CLHC1: variants seen among roughly 807,000 people sequenced by gnomAD.
CLHC1 encodes the protein clathrin heavy chain linker domain containing 1, also known as clathrin heavy chain linker domain-containing protein 1.
A neutral mutation model predicts 69.5 loss-of-function variants in CLHC1; 72 were observed. The observed-to-expected ratio is 1.04, with a 90% confidence interval of 0.86 to 1.26. The LOEUF (loss-of-function observed/expected upper bound fraction) is 1.26. Among genes scored for constraint, CLHC1 ranks in the 50% most tolerant of loss-of-function variants. The probability of loss-of-function intolerance (pLI) is 0.00; values close to 1 mark genes in which losing one functional copy is unlikely to be tolerated. For synonymous variants in CLHC1, 223 were observed against 224.3 expected, an observed-to-expected ratio of 0.99 and a Z score of 0.05; for missense variants, 790 against 679.3, an observed-to-expected ratio of 1.16 and a Z score of -1.81.
intron 11 of CLHC1, 66 bp from the exon 12 acceptor site, chr2:55,177,847 C>A: frequency 8.4e-7 from 1 of 1,193,732 alleles, no homozygotes; most frequent in Non-Finnish European, 1.2e-6. Context: ...GAAACTAGGA[C>A]TAGCTAATGT....
chr2:55,186,843 A>G (rs1428945500), intron 9 of CLHC1, among the ~76,000 whole-genome samples: 1 of 152,180 alleles, frequency 6.6e-6, no homozygotes, highest in Non-Finnish European at 1.5e-5. Flanking sequence ...ATAAAGATGA[A>G]CAGATTTTTA....
At chr2:55,181,828 T>G in intron 9 of CLHC1, 84 bp from the exon 10 acceptor site, 1 of 1,029,782 alleles carries the variant, frequency 9.7e-7, no homozygotes, top group East Asian at 2.6e-5. Context: ...TTTTTGTGCC[T>G]TTGCTTTTCT....
chr2:55,205,275 A>G (rs534534609), intron 9 of CLHC1, among the ~76,000 whole-genome samples: 1 of 152,264 alleles, frequency 6.6e-6, no homozygotes, highest in South Asian at 2.1e-4. Flanking sequence ...TATCTACCCA[A>G]AGGAAAATAA....
chr2:55,182,904 T>C (rs1040059986), intron 9 of CLHC1, among the ~76,000 whole-genome samples: 2 of 151,978 alleles, frequency 1.3e-5, no homozygotes, highest in African/African-American at 4.8e-5. Flanking sequence ...GCTAAAGTAA[T>C]ACCTCCTGAA....
chr2:55,207,740 G>A (rs112278041), intron 8 of CLHC1, among the ~76,000 whole-genome samples: 11 of 152,234 alleles, frequency 7.2e-5, no homozygotes, highest in African/African-American at 2.6e-4. Flanking sequence ...GGAGGGAAAA[G>A]GAATTGAAGA....
chr2:55,216,451 T>C (rs143955528), intron 4 of CLHC1, among the ~76,000 whole-genome samples: 329 of 152,274 alleles, frequency 2.2e-3, no homozygotes, highest in African/African-American at 7.4e-3. Flanking sequence ...CTAATTCAGA[T>C]AGTAATCATG....
intron 9 of CLHC1, among the ~76,000 whole-genome samples, chr2:55,186,020 G>T (rs1379773175): frequency 6.6e-6 from 1 of 152,134 alleles, no homozygotes; most frequent in Non-Finnish European, 1.5e-5. Context: ...AACTTGAGAT[G>T]GGCCTTTAAA....
chr2:55,198,942 T>C (rs1296662367), intron 9 of CLHC1, among the ~76,000 whole-genome samples: 1 of 151,852 alleles, frequency 6.6e-6, no homozygotes, highest in Non-Finnish European at 1.5e-5. Context: ...GAAGGAGAAA[T>C]AAAGACTCTC....
chr2:55,223,432 G>A (rs547211097), intron 2 of CLHC1, among the ~76,000 whole-genome samples: 1 of 152,080 alleles, frequency 6.6e-6, no homozygotes, highest in Non-Finnish European at 1.5e-5. Context: ...GCGGCCTGGC[G>A]GGGGCGAGCG....
chr2:55,196,259 A>C (rs1318787392), intron 9 of CLHC1, among the ~76,000 whole-genome samples: 1 of 152,188 alleles, frequency 6.6e-6, no homozygotes, highest in East Asian at 1.9e-4. Flanking sequence ...GGCGGTCTGC[A>C]CCACAAGGAC....
intron 1 of CLHC1, among the ~76,000 whole-genome samples, chr2:55,230,251 G>A (rs1675156718): frequency 6.6e-6 from 1 of 152,152 alleles, no homozygotes; most frequent in African/African-American, 2.4e-5. Context: ...CATATATTTT[G>A]AAAATAAAGC....
chr2:55,183,890 C>G (rs780165884), intron 9 of CLHC1, among the ~76,000 whole-genome samples: 1 of 152,104 alleles, frequency 6.6e-6, no homozygotes, highest in South Asian at 2.1e-4. Flanking sequence ...AAGCAATTCT[C>G]TTGCCTCAGC....
chr2:55,218,635 TGAG>T (rs1219101332), intron 3 of CLHC1: 2 of 152,226 alleles, frequency 1.3e-5, no homozygotes, highest in African/African-American at 4.8e-5. Flanking sequence ...GAATCTGAGA[TGAG>T]AAGGTCCAGA....
At chr2:55,231,281 A>G (rs1490738189) in intron 1 of CLHC1, among the ~76,000 whole-genome samples, 1 of 152,116 alleles carries the variant, frequency 6.6e-6, no homozygotes, top group Non-Finnish European at 1.5e-5. Flanking sequence ...TCCAGGAAGA[A>G]TAAACGACTG....
At chr2:55,186,993 G>A (rs114612537) in intron 9 of CLHC1, among the ~76,000 whole-genome samples, 17,487 of 151,934 alleles carry the variant, frequency 0.12, 1,234 homozygotes, top group East Asian at 0.28. Flanking sequence ...AAGGCCAGGC[G>A]CGGTGGCTCA....
At chr2:55,216,769 T>TA (rs1458979142) in intron 4 of CLHC1, among the ~76,000 whole-genome samples, 1 of 152,124 alleles carries the variant, frequency 6.6e-6, no homozygotes, top group Non-Finnish European at 1.5e-5. Flanking sequence ...GCAATCCTCC[T>TA]ACCTTGGCCT....
Position 55,205,425 on chromosome 2 carries a change from A to ACG in CLHC1, c.1006+844_1006+845insCG, listed in dbSNP as rs1287214164. 9.4e-5 allele frequency among the ~76,000 whole-genome samples: 10 copies of ACG among 106,936 alleles called. No individual in the cohort carries two copies. In the East Asian group the frequency reaches 1.0e-3, roughly 11 times the overall value. 70.2% of individuals were successfully genotyped at this position (106,936 alleles called of 152,430 possible). A position where few individuals can be genotyped will look rare whatever the true frequency, so the allele number is the denominator to read the frequency against. On this transcript the variant is annotated intron_variant, in intron 9 of 12. Transcript: ENST00000401408. ...TACACACACACACACACACACACGCACACACACACACACACCACAGAATAC... is the reference window on the plus strand; with the variant it reads ...TACACACACACACACACACACACGCACGCACACACACACACACCACAGAATAC...
chr2:55,188,066 C>T (rs552754194), intron 9 of CLHC1, among the ~76,000 whole-genome samples: 1 of 152,250 alleles, frequency 6.6e-6, no homozygotes, highest in East Asian at 1.9e-4. Flanking sequence ...GTAATCCCAG[C>T]ATTTTGGGAG....
At chr2:55,232,436 C>G (rs1358051110), upstream of CLHC1, 1 of 302,084 alleles carries the variant, frequency 3.3e-6, no homozygotes, top group African/African-American at 2.2e-5. Context: ...CTCTTAGCCA[C>G]GTTGATTGTA....
Sources: allele counts gnomAD v4.1 joint callset (sites outside exome capture counted in the v4.1 genomes callset), GRCh38; gene constraint gnomAD v4.1.1; transcripts MANE v1.5; gene names NCBI Gene and HGNC (gene_info 2026-07-23, HGNC 2026-07-21).